NKAIN3: variants seen among roughly 807,000 people sequenced by gnomAD.
The protein encoded by NKAIN3 is sodium/potassium-transporting ATPase subunit beta-1-interacting protein 3.
NKAIN3 carries 25 observed loss-of-function variants against 30.2 expected under a neutral mutation model. The observed-to-expected ratio is 0.83, with a 90% CI of 0.60 to 1.16. The LOEUF (loss-of-function observed/expected upper bound fraction) is 1.16, where lower values mean the gene tolerates loss of function less well. Ranked by LOEUF, NKAIN3 falls within the 50% of genes most tolerant of loss-of-function variation. The probability of loss-of-function intolerance (pLI) is 0.00; values close to 1 mark genes in which losing one functional copy is unlikely to be tolerated. For missense variants in NKAIN3, 225 were observed against 254.1 expected, an observed-to-expected ratio of 0.89 and a Z score of 0.78; for synonymous variants, 91 against 89.6, an observed-to-expected ratio of 1.02 and a Z score of -0.09.
At chr8:62,740,616 A>G (rs905391011) in intron 3 of NKAIN3, among the ~76,000 whole-genome samples, 7 of 143,394 alleles carry the variant, frequency 4.9e-5, no homozygotes, top group Non-Finnish European at 9.1e-5. Context: ...GAAATTGTAT[A>G]GTGGTATACT....
chr8:62,923,475 C>A (rs553409875), intron 5 of NKAIN3, among the ~76,000 whole-genome samples: 1 of 152,118 alleles, frequency 6.6e-6, no homozygotes, highest in Non-Finnish European at 1.5e-5. Context: ...GTGAGATGTC[C>A]GATGCACTTG....
intron 1 of NKAIN3, among the ~76,000 whole-genome samples, chr8:62,549,487 C>T (rs1161632845): frequency 6.6e-6 from 1 of 151,962 alleles, no homozygotes; most frequent in Non-Finnish European, 1.5e-5. Context: ...AAAAGGTTTT[C>T]CCATAAAACC....
chr8:62,880,395 C>T (rs929947564), intron 4 of NKAIN3, among the ~76,000 whole-genome samples: 2 of 151,714 alleles, frequency 1.3e-5, no homozygotes, highest in African/African-American at 4.9e-5. Flanking sequence ...TCAAAAGCAC[C>T]ACAGTTACCT....
chr8:62,868,901 C>T (rs1007316693), intron 4 of NKAIN3, among the ~76,000 whole-genome samples: 1 of 152,096 alleles, frequency 6.6e-6, no homozygotes, highest in Non-Finnish European at 1.5e-5. Flanking sequence ...GCATTCAGGC[C>T]TTTCTCACTG....
At chr8:62,716,469 A>T (rs1814907064) in intron 3 of NKAIN3, among the ~76,000 whole-genome samples, 1 of 152,316 alleles carries the variant, frequency 6.6e-6, no homozygotes, top group South Asian at 2.1e-4. Context: ...GTACATTAGA[A>T]GCTATGTGGA....
At chr8:62,628,278 T>C (rs1391630247) in intron 3 of NKAIN3, among the ~76,000 whole-genome samples, 1 of 152,140 alleles carries the variant, frequency 6.6e-6, no homozygotes, top group East Asian at 1.9e-4. Flanking sequence ...AAAATGTCAT[T>C]ATCTCTACAC....
chr8:62,263,791 G>A (rs1585610095), intron 1 of NKAIN3, among the ~76,000 whole-genome samples: 1 of 152,074 alleles, frequency 6.6e-6, no homozygotes, highest in South Asian at 2.1e-4. Flanking sequence ...AATATTTTTG[G>A]ACTTATTTTC....
intron 1 of NKAIN3, among the ~76,000 whole-genome samples, chr8:62,569,806 G>A (rs907039756): frequency 6.7e-6 from 1 of 150,342 alleles, no homozygotes; most frequent in African/African-American, 2.4e-5. Flanking sequence ...AGTAACCCAA[G>A]ACTTATTTGA....
At chr8:62,380,313 C>A (rs144444088) in intron 1 of NKAIN3, among the ~76,000 whole-genome samples, 381 of 152,292 alleles carry the variant, frequency 2.5e-3, no homozygotes, top group Non-Finnish European at 4.2e-3. Context: ...CCACTTGGAC[C>A]TCTAGAATCT....
intron 5 of NKAIN3, among the ~76,000 whole-genome samples, chr8:62,920,958 A>G (rs1317600969): frequency 6.6e-6 from 1 of 152,208 alleles, no homozygotes; most frequent in African/African-American, 2.4e-5. Context: ...AGGAAACAAA[A>G]GTGCAGATGT....
At chr8:62,944,696 T>C (rs147861078) in intron 5 of NKAIN3, among the ~76,000 whole-genome samples, 1 of 152,346 alleles carries the variant, frequency 6.6e-6, no homozygotes, top group Non-Finnish European at 1.5e-5. Context: ...TGGATGGGAA[T>C]ATAATTTCAA....
chr8:62,314,680 T>G (rs772018520), intron 1 of NKAIN3, among the ~76,000 whole-genome samples: 6 of 152,194 alleles, frequency 3.9e-5, no homozygotes, highest in Admixed American at 2.6e-4. Flanking sequence ...GGAACTTTGT[T>G]TGACAGTCTT....
In NKAIN3 at chr8:62,978,205, T is replaced by C. The variant is rs1823987513; in HGVS notation, c.*12798T>C. 6.5e-6 allele frequency: 1 copy of C among 153,018 alleles called. No individual in the cohort carries two copies. Among genetic ancestry groups the C allele is most frequent in the Admixed American group, 6.5e-5 (1 of 15,294 alleles). The allele number at this position is 153,018 out of a possible 1,614,324, so 9.5% of individuals were successfully genotyped here. A position where few individuals can be genotyped will look rare whatever the true frequency, so the allele number is the denominator to read the frequency against. On this transcript the variant is annotated 3_prime_UTR_variant, in exon 7 of 7. Coordinates refer to ENST00000623646, the MANE Select transcript of NKAIN3 (RefSeq NM_001304533.3). ...GAGGCATGGGGGTCAGGGACCCACT[T>C]GTGGAAGCAGTCTGTCCCTTAGCGG...
chr8:62,755,902 T>C (rs573657390), intron 4 of NKAIN3, among the ~76,000 whole-genome samples: 7 of 152,234 alleles, frequency 4.6e-5, no homozygotes, highest in Admixed American at 4.6e-4. Flanking sequence ...ATGCCAAAAA[T>C]ATTCAAAGGG....
chr8:62,384,285 T>C (rs1173339262), intron 1 of NKAIN3, among the ~76,000 whole-genome samples: 1 of 152,166 alleles, frequency 6.6e-6, no homozygotes, highest in East Asian at 1.9e-4. Context: ...GTAGTTAATA[T>C]AGTTAACGTT....
intron 1 of NKAIN3, chr8:62,482,596 A>G (rs1806759297): frequency 1.3e-5 from 2 of 152,400 alleles, no homozygotes; most frequent in Middle Eastern, 3.4e-3. Context: ...TGCAATGACC[A>G]GCAAGTCTTC....
At chr8:62,881,214 G>A (rs570618392) in intron 4 of NKAIN3, among the ~76,000 whole-genome samples, 1 of 152,194 alleles carries the variant, frequency 6.6e-6, no homozygotes, top group South Asian at 2.1e-4. Flanking sequence ...AATGTATAAT[G>A]ACCTCCATCC....
In NKAIN3 at chr8:62,284,059, T is replaced by C. The variant is rs529646012; in HGVS notation, c.54+34932T>C. 3.9e-5 allele frequency among the ~76,000 whole-genome samples: 6 copies of C among 152,272 alleles called. No individual in the cohort carries two copies. In the South Asian group the frequency reaches 1.2e-3, roughly 32 times the overall value. On this transcript the variant is annotated intron_variant, in intron 1 of 6. Coordinates refer to ENST00000623646, the MANE Select transcript of NKAIN3 (RefSeq NM_001304533.3). ...TGAACTCTTCTTCCACTTTTCCTTT[T>C]TGAGACCTGTGACCACATAGCCGAG...
chr8:62,922,505 AG>A (rs1278320772), intron 5 of NKAIN3, among the ~76,000 whole-genome samples: 1 of 147,700 alleles, frequency 6.8e-6, no homozygotes, highest in Non-Finnish European at 1.5e-5. Context: ...GCCAGACACC[AG>A]GGGAGGGAAT....
Sources: gnomAD v4.1 joint callset for allele counts (sites outside exome capture counted in the v4.1 genomes callset) on GRCh38, gnomAD v4.1.1 for gene constraint, MANE v1.5 for transcripts, NCBI Gene and HGNC (gene_info 2026-07-23, HGNC 2026-07-21) for gene names.